The following SRRM3 variants were observed in gnomAD, a reference collection of about 807,000 sequenced individuals.
SRRM3 encodes the protein serine/arginine repetitive matrix protein 3.
A neutral mutation model predicts 66.2 loss-of-function variants in SRRM3; 27 were observed. That is an observed-to-expected ratio of 0.41 (90% CI 0.30 to 0.56). SRRM3 has a LOEUF of 0.56. Ranked by LOEUF, SRRM3 falls within the 20% of genes least tolerant of loss-of-function variation. The probability of loss-of-function intolerance (pLI) is 0.32; values close to 1 mark genes in which losing one functional copy is unlikely to be tolerated. For missense variants in SRRM3, 918 were observed against 991.9 expected, an observed-to-expected ratio of 0.93 and a Z score of 1.00; for synonymous variants, 391 against 414.9, an observed-to-expected ratio of 0.94 and a Z score of 0.70.
intron 14 of SRRM3, chr7:76,283,477 G>A: frequency 2.5e-6 from 1 of 404,944 alleles, no homozygotes; most frequent in Non-Finnish European, 4.8e-6. Flanking sequence ...CGCCCTCCCT[G>A]CATCCGTCTC....
rs1323188117 is a variant in SRRM3, at chr7:76,277,870, C to A, written c.1009-3571C>A. 3.9e-5 allele frequency among the ~76,000 whole-genome samples: 6 copies of A among 152,292 alleles called. 1 individual carries two copies. The highest frequency in any genetic ancestry group is 2.0e-4 in the Admixed American group (3 of 15,284). On this transcript the variant is annotated intron_variant, in intron 11 of 14. Coordinates refer to ENST00000611745, the MANE Select transcript of SRRM3 (RefSeq NM_001110199.3). The stretch of plus-strand genomic sequence containing the variant: ...TGCCCTGCTGCACTGCCTCCCCTAA[C>A]CAAAGTAGCAAGCAAAGATTTCTTA...
At chr7:76,223,503 A>T (rs1800774566) in intron 1 of SRRM3, among the ~76,000 whole-genome samples, 1 of 152,212 alleles carries the variant, frequency 6.6e-6, no homozygotes. Flanking sequence ...TTCCAGCTTG[A>T]TAAAGTATCT....
At chr7:76,253,292 GC>G (rs1195604227) in intron 3 of SRRM3, among the ~76,000 whole-genome samples, 11 of 152,208 alleles carry the variant, frequency 7.2e-5, no homozygotes, top group Admixed American at 4.6e-4. Flanking sequence ...TTTGAGACCA[GC>G]CTGACCAACA....
chr7:76,242,502 A>G (rs1210567811), intron 2 of SRRM3, among the ~76,000 whole-genome samples: 1 of 145,046 alleles, frequency 6.9e-6, no homozygotes, highest in African/African-American at 2.8e-5. Context: ...AAAAAAGAAA[A>G]TTTTTCCATG....
chr7:76,277,068 A>G (rs1308674509), intron 11 of SRRM3, among the ~76,000 whole-genome samples: 1 of 152,198 alleles, frequency 6.6e-6, no homozygotes, highest in Non-Finnish European at 1.5e-5. Context: ...CCACTTTTCC[A>G]GTGACTATCA....
At chr7:76,221,118 C>T (rs1177892759) in intron 1 of SRRM3, among the ~76,000 whole-genome samples, 2 of 150,420 alleles carry the variant, frequency 1.3e-5, no homozygotes, top group South Asian at 2.1e-4. Flanking sequence ...AGTGCAGTGG[C>T]GCAATCTCAG....
chr7:76,232,978 G>C (rs1554604363), intron 1 of SRRM3, among the ~76,000 whole-genome samples: 1 of 151,946 alleles, frequency 6.6e-6, no homozygotes, highest in East Asian at 1.9e-4. Context: ...CAGGGGAGGA[G>C]AGGAAGTGGA....
Position 76,266,168 on chromosome 7 carries a change from TTATTTATATATTTAATATATATAAA to T in SRRM3, c.830+771_830+795del, listed in dbSNP as rs1325465738. Among the ~76,000 whole-genome samples, 181 of 18,326 alleles carry T rather than the reference TTATTTATATATTTAATATATATAAA, an allele frequency of 9.9e-3. 16 individuals are homozygous for T. The highest frequency in any genetic ancestry group is 0.086 in the African/African-American group (115 of 1,342). 12.0% of individuals were successfully genotyped at this position (18,326 alleles called of 152,430 possible). The stretch of plus-strand genomic sequence containing the variant: ...CAGGCGTGAGCCACCGCGCCCGGCC[TTATTTATATATTTAATATATATAAA>T]TATTTATATATTTAATATATATAAA... On this transcript the variant is annotated intron_variant, in intron 10 of 14. Transcript: ENST00000611745.
intron 11 of SRRM3, among the ~76,000 whole-genome samples, chr7:76,270,945 A>G (rs1554610464): frequency 6.6e-6 from 1 of 150,578 alleles, no homozygotes; most frequent in Admixed American, 6.6e-5. Flanking sequence ...ATTGCACTCC[A>G]GCCTGGATGA....
chr7:76,278,541 C>T (rs939829943), intron 11 of SRRM3, among the ~76,000 whole-genome samples: 25 of 152,030 alleles, frequency 1.6e-4, no homozygotes, highest in African/African-American at 6.0e-4. Context: ...TCCAACTCTC[C>T]TAGCCTAGGG....
intron 1 of SRRM3, among the ~76,000 whole-genome samples, chr7:76,208,173 G>T (rs1031660849): frequency 1.3e-5 from 2 of 152,158 alleles, no homozygotes; most frequent in African/African-American, 4.8e-5. Flanking sequence ...ATCCCTGGCG[G>T]GGTGGGCTTA....
chr7:76,212,788 G>T (rs1198756082), intron 1 of SRRM3, among the ~76,000 whole-genome samples: 1 of 152,004 alleles, frequency 6.6e-6, no homozygotes, highest in East Asian at 1.9e-4. Context: ...ATTTTTTAAA[G>T]TTCCAAGGTG....
chr7:76,217,766 C>T (rs1277329797), intron 1 of SRRM3, among the ~76,000 whole-genome samples: 1 of 152,150 alleles, frequency 6.6e-6, no homozygotes, highest in Non-Finnish European at 1.5e-5. Flanking sequence ...AGTTCTGGCC[C>T]TTGTTCCAGC....
intron 1 of SRRM3, among the ~76,000 whole-genome samples, chr7:76,211,388 G>A (rs984659302): frequency 1.2e-4 from 18 of 150,028 alleles, no homozygotes; most frequent in Non-Finnish European, 4.5e-5. Flanking sequence ...GCGAAAGCCC[G>A]GGTTGGAGAC....
chr7:76,248,160 C>T, intron 2 of SRRM3, 28 bp from the exon 3 acceptor site: 1 of 1,584,282 alleles, frequency 6.3e-7, no homozygotes, highest in Non-Finnish European at 8.6e-7. Flanking sequence ...GGGAGACCAG[C>T]CCCTTCACCC....
intron 9 of SRRM3, among the ~76,000 whole-genome samples, 175 bp from the exon 10 acceptor site, chr7:76,265,189 C>A (rs1554609320): frequency 6.6e-6 from 1 of 152,176 alleles, no homozygotes; most frequent in African/African-American, 2.4e-5. Flanking sequence ...ATAGGCTCTG[C>A]AGCCAGCACC....
At chr7:76,253,787 C>CAAA (rs782083114) in intron 3 of SRRM3, among the ~76,000 whole-genome samples, 5 of 64,756 alleles carry the variant, frequency 7.7e-5, no homozygotes, top group African/African-American at 1.0e-4. Flanking sequence ...AACTCTGTTT[C>CAAA]AAAAAAAAAA....
chr7:76,282,789 G>C lies in SRRM3; in HGVS notation c.1512G>C (p.Ser504=). 1 of 1,466,154 alleles carries C rather than the reference G, an allele frequency of 6.8e-7. No homozygotes were observed. Among genetic ancestry groups the C allele is most frequent in the Non-Finnish European group, 9.0e-7 (1 of 1,114,854 alleles). The allele number at this position is 1,466,154 out of a possible 1,614,324, so 90.8% of individuals were successfully genotyped here. Residue 504 remains serine (S), a synonymous_variant, in exon 13 of 15, where the codon TCG becomes TCC. Transcript: ENST00000611745. ...CCCGCTCCTGGAGCTCCAGCCGCTC[G>C]CCCTCCAAATCTCGCTCGCGCTCTG... ...PHPRSWSSSR[S]PSKSRSRSAE...
intron 2 of SRRM3, among the ~76,000 whole-genome samples, chr7:76,242,149 C>A (rs1340568595): frequency 6.6e-6 from 1 of 152,178 alleles, no homozygotes; most frequent in African/African-American, 2.4e-5. Context: ...AATAGAGCAG[C>A]AGTCTCCGAC....
Sources: allele counts gnomAD v4.1 joint callset (sites outside exome capture counted in the v4.1 genomes callset), GRCh38; gene constraint gnomAD v4.1.1; transcripts MANE v1.5; gene names NCBI Gene and HGNC (gene_info 2026-07-23, HGNC 2026-07-21).